The following TIAM2 variants were observed in gnomAD, a reference collection of about 807,000 sequenced individuals.
The protein encoded by TIAM2 is TIAM Rac1 associated GEF 2.
A neutral mutation model predicts 152.9 loss-of-function variants in TIAM2; 80 were observed. The observed-to-expected ratio is 0.52, with a 90% CI of 0.44 to 0.63. TIAM2 has a LOEUF of 0.63. Ranked by LOEUF, TIAM2 falls within the 30% of genes least tolerant of loss-of-function variation. TIAM2 has a pLI of 0.00. For missense variants in TIAM2, 1,965 were observed against 2,120.1 expected (o/e 0.93, Z 1.44); for synonymous variants, 804 against 838.0 (o/e 0.96, Z 0.70).
At chr6:155,106,220 G>A (rs993169653) in intron 2 of TIAM2, among the ~76,000 whole-genome samples, 1 of 151,826 alleles carries the variant, frequency 6.6e-6, no homozygotes, top group Non-Finnish European at 1.5e-5. Context: ...GGTCAGGCTG[G>A]TTCCGAACTC....
rs769302416 is a variant in TIAM2 at position 155,252,962 on chromosome 6, G to T, written c.4134G>T (p.Arg1378=). The change falls in exon 24 of 27, where the codon CGG becomes CGT. Residue 1378 remains arginine (R), a synonymous_variant. Coordinates refer to ENST00000682666, the MANE Select transcript of TIAM2 (RefSeq NM_012454.4). ...KLKKKLPSNS[R]PAHNSTDLDP... The stretch of plus-strand genomic sequence containing the variant: ...TCATGTTACAGCCCTCGAATTCCCG[G>T]CCTGCACACAACTCTACTGACTTGG... 2 of 1,613,932 alleles carry T rather than the reference G, an allele frequency of 1.2e-6. No homozygotes were observed. Among genetic ancestry groups the T allele is most frequent in the African/African-American group, 2.7e-5 (2 of 74,880 alleles).
At chr6:155,111,298 T>TACAC (rs57988099) in intron 2 of TIAM2, among the ~76,000 whole-genome samples, 6,185 of 138,304 alleles carry the variant, frequency 0.045, 192 homozygotes, top group Admixed American at 0.13. Context: ...ATTCTTGGAA[T>TACAC]ACACACACAC....
Position 155,130,061 on chromosome 6 carries a change from A to C in TIAM2, c.838A>C (p.Ser280Arg). 1 of 1,614,046 alleles carries C rather than the reference A, an allele frequency of 6.2e-7. No homozygotes were observed. Among genetic ancestry groups the C allele is most frequent in the Non-Finnish European group, 8.5e-7 (1 of 1,180,016 alleles). Residue 280 changes from serine (S) to arginine (R), a missense_variant, in exon 4 of 27, where the codon AGC becomes CGC. Ser to Arg is a moderately radical substitution (Grantham distance 110). Around this residue, in one of 3 missense-constraint regions of TIAM2, gnomAD observed 1,025 missense variants for 1,119.4 expected, o/e 0.92. Coordinates refer to ENST00000682666, the MANE Select transcript of TIAM2 (RefSeq NM_012454.4). ...PGMPDPSLHA[S>R]FPPGDAKKPF... ...CATGCCTGACCCCAGTCTCCATGCC[A>C]GCTTCCCACCTGGCGATGCCAAAAA... is the stretch of plus-strand genomic sequence containing the variant.
intron 1 of TIAM2, among the ~76,000 whole-genome samples, chr6:155,084,823 C>T (rs1490987917): frequency 1.3e-5 from 2 of 152,176 alleles, no homozygotes. Context: ...TTGAGTGCAG[C>T]ATCTGATTCC....
intron 2 of TIAM2, among the ~76,000 whole-genome samples, chr6:155,107,088 C>T (rs7757550): frequency 0.11 from 15,989 of 152,074 alleles, 945 homozygotes; most frequent in East Asian, 0.24. Context: ...TGTATATAGA[C>T]TCTAGCTTTG....
In TIAM2 at chr6:155,148,004, T is replaced by C. The variant is rs902368128; in HGVS notation, c.1804-106T>C. 44 of 1,093,580 alleles carry C rather than the reference T, an allele frequency of 4.0e-5. No individual in the cohort carries two copies. The Admixed American group carries it at 7.5e-4, about 19-fold the overall frequency. 67.7% of individuals were successfully genotyped at this position (1,093,580 alleles called of 1,614,324 possible). On this transcript the variant is annotated intron_variant, in intron 6 of 26. Coordinates refer to ENST00000682666, the MANE Select transcript of TIAM2 (RefSeq NM_012454.4). Reference sequence around the variant, plus strand: ...TTGAAATTAAGCAGCTTGTATGCAGTGCAAGTACTTCTTGGGTTTTGTACA... The same window carrying C: ...TTGAAATTAAGCAGCTTGTATGCAGCGCAAGTACTTCTTGGGTTTTGTACA...
intron 2 of TIAM2, among the ~76,000 whole-genome samples, chr6:155,121,459 A>T (rs1041355737): frequency 2.6e-5 from 4 of 152,198 alleles, no homozygotes; most frequent in Admixed American, 6.5e-5. Flanking sequence ...GAAATTCAGA[A>T]AGCTTGAGCA....
Position 155,257,722 on chromosome 6 carries a change from C to A in TIAM2, c.*601C>A. ...TGTATAGTAAAAGGAAAATAAGTCA[C>A]ATCTGGTCATTGGCATTTGTATCGT... On this transcript the variant is annotated 3_prime_UTR_variant, in exon 27 of 27. Coordinates refer to ENST00000682666, the MANE Select transcript of TIAM2 (RefSeq NM_012454.4). 7.8e-7 allele frequency: 1 copy of A among 1,285,540 alleles called. No homozygotes were observed. The highest frequency in any genetic ancestry group is 1.3e-5 in the South Asian group (1 of 77,512). The allele number at this position is 1,285,540 out of a possible 1,614,324, so 79.6% of individuals were successfully genotyped here. A position where few individuals can be genotyped will look rare whatever the true frequency, so the allele number is the denominator to read the frequency against.
intron 6 of TIAM2, among the ~76,000 whole-genome samples, chr6:155,146,589 T>C (rs1779823697): frequency 1.3e-5 from 2 of 151,666 alleles, no homozygotes; most frequent in South Asian, 4.1e-4. Context: ...TTTTAAAAAA[T>C]GTATCATTAT....
Position 155,168,822 on chromosome 6 carries a change from CT to C in TIAM2, c.2361+3418del, listed in dbSNP as rs1780505327. 2.6e-6 allele frequency: 4 copies of C among 1,529,132 alleles called. No homozygotes were observed. The African/African-American group carries it at 4.1e-5, about 16-fold the overall frequency. The allele number at this position is 1,529,132 out of a possible 1,614,324, so 94.7% of individuals were successfully genotyped here. A position where few individuals can be genotyped will look rare whatever the true frequency, so the allele number is the denominator to read the frequency against. ...AATATTACAGGGCCATTTCATTAGT[CT>C]TTTTCCTCCCCCATCTGTCAGATAT... On this transcript the variant is annotated intron_variant, in intron 9 of 26. Transcript: ENST00000682666.
At chr6:155,104,048 C>CG (rs1562316922) in intron 2 of TIAM2, among the ~76,000 whole-genome samples, 1 of 88,956 alleles carries the variant, frequency 1.1e-5, no homozygotes, top group African/African-American at 4.9e-5. Context: ...ACACCCCCCC[C>CG]CCCACACCCC....
intron 1 of TIAM2, among the ~76,000 whole-genome samples, chr6:155,067,256 C>G (rs981332197): frequency 6.6e-6 from 1 of 152,130 alleles, no homozygotes; most frequent in Admixed American, 6.5e-5. Context: ...GGAGGGGAAG[C>G]TTTTGTGACT....
chr6:155,153,782 C>A (rs140444112), intron 7 of TIAM2, among the ~76,000 whole-genome samples: 1,978 of 152,100 alleles, frequency 0.013, 39 homozygotes, highest in African/African-American at 0.044. Flanking sequence ...CCACTACGCC[C>A]AGCTAATTTT....
At chr6:155,145,796 G>A (rs748598134) in intron 6 of TIAM2, among the ~76,000 whole-genome samples, 1 of 152,108 alleles carries the variant, frequency 6.6e-6, no homozygotes, top group Non-Finnish European at 1.5e-5. Context: ...GCTCAGAAGT[G>A]CTCCCTCACT....
chr6:155,247,281 T>C (rs1783386778), intron 19 of TIAM2, among the ~76,000 whole-genome samples: 3 of 152,282 alleles, frequency 2.0e-5, no homozygotes, highest in South Asian at 2.1e-4. Flanking sequence ...CTTTATGAAA[T>C]TTTTGTGGGT....
At chr6:155,049,876 A>G (rs1471426155) in intron 1 of TIAM2, among the ~76,000 whole-genome samples, 1 of 152,184 alleles carries the variant, frequency 6.6e-6, no homozygotes, top group Non-Finnish European at 1.5e-5. Flanking sequence ...GAGAAATAGC[A>G]CCATGATGAA....
At chr6:155,219,372 G>A (rs1195213643) in intron 15 of TIAM2, among the ~76,000 whole-genome samples, 2 of 152,156 alleles carry the variant, frequency 1.3e-5, no homozygotes, top group Non-Finnish European at 2.9e-5. Flanking sequence ...TGAAGCCTGA[G>A]CGGCTCTGCC....
chr6:155,190,024 T>C (rs1781158770), intron 14 of TIAM2, among the ~76,000 whole-genome samples: 2 of 152,306 alleles, frequency 1.3e-5, no homozygotes, highest in East Asian at 3.9e-4. Flanking sequence ...GGAAAGTCTA[T>C]TGGGGCCAGA....
chr6:155,097,239 C>A (rs1298096353), intron 2 of TIAM2, among the ~76,000 whole-genome samples: 1 of 152,170 alleles, frequency 6.6e-6, no homozygotes, highest in Non-Finnish European at 1.5e-5. Flanking sequence ...CTTTATATAT[C>A]ATGGTTACTA....
Sources: gnomAD v4.1 joint callset for allele counts (sites outside exome capture counted in the v4.1 genomes callset) on GRCh38, gnomAD v4.1.1 for gene constraint, gnomAD v4.1.1 regional missense constraint, MANE v1.5 for transcripts, NCBI Gene and HGNC (gene_info 2026-07-23, HGNC 2026-07-21) for gene names.